The following ADAMTS3 variants were observed in gnomAD, a reference collection of about 807,000 sequenced individuals.
ADAMTS3 encodes the protein ADAM metallopeptidase with thrombospondin type 1 motif 3.
A neutral mutation model predicts 129.0 loss-of-function variants in ADAMTS3; 73 were observed. The observed-to-expected ratio is 0.57, with a 90% confidence interval of 0.47 to 0.69. ADAMTS3 has a LOEUF of 0.69. Ranked by LOEUF, ADAMTS3 falls within the 30% of genes least tolerant of loss-of-function variation. The pLI is 0.00. For synonymous variants in ADAMTS3, 477 were observed against 510.8 expected (o/e 0.93, Z 0.89); for missense variants, 1,457 against 1,514.5 (o/e 0.96, Z 0.63).
intron 3 of ADAMTS3, among the ~76,000 whole-genome samples, chr4:72,427,479 G>A (rs1386049963): frequency 2.6e-5 from 4 of 152,020 alleles, no homozygotes; most frequent in Admixed American, 2.6e-4. Context: ...TCTGTTCCAT[G>A]CAAAATGACA....
intron 4 of ADAMTS3, among the ~76,000 whole-genome samples, chr4:72,399,414 T>C (rs80276187): frequency 0.035 from 5,258 of 152,116 alleles, 306 homozygotes; most frequent in African/African-American, 0.12. Flanking sequence ...GCCTGGGCAA[T>C]AGAACAACAC....
intron 5 of ADAMTS3, 69 bp downstream of exon 5, chr4:72,339,425 A>G: frequency 6.6e-7 from 1 of 1,510,260 alleles, no homozygotes; most frequent in Non-Finnish European, 9.1e-7. Context: ...ACAGATTGCC[A>G]AAGGGTACCA....
At chr4:72,399,748 C>T (rs1378088078) in intron 4 of ADAMTS3, among the ~76,000 whole-genome samples, 16 of 125,650 alleles carry the variant, frequency 1.3e-4, no homozygotes, top group African/African-American at 2.8e-4. Context: ...ACGGTGTGTA[C>T]GCATATGTGT....
At chr4:72,397,166 A>C (rs971867316) in intron 4 of ADAMTS3, among the ~76,000 whole-genome samples, 2 of 152,184 alleles carry the variant, frequency 1.3e-5, no homozygotes, top group Non-Finnish European at 2.9e-5. Flanking sequence ...AGATTTTCTA[A>C]AATACATATT....
chr4:72,474,470 CAG>C (rs1164385520), intron 3 of ADAMTS3, among the ~76,000 whole-genome samples: 2 of 151,922 alleles, frequency 1.3e-5, no homozygotes, highest in African/African-American at 4.8e-5. Flanking sequence ...AGAAAAGAAT[CAG>C]TAAACTGGAA....
intron 3 of ADAMTS3, among the ~76,000 whole-genome samples, chr4:72,458,826 C>A (rs781758009): frequency 4.0e-5 from 6 of 151,402 alleles, no homozygotes; most frequent in Non-Finnish European, 7.4e-5. Context: ...AGTGCCACAC[C>A]ATTTTCAGTA....
At chr4:72,568,223 C>T (rs1002449608) in intron 1 of ADAMTS3, among the ~76,000 whole-genome samples, 1 of 152,136 alleles carries the variant, frequency 6.6e-6, no homozygotes, top group African/African-American at 2.4e-5. Flanking sequence ...CTGAAACCCC[C>T]GCCTCCGGCT....
chr4:72,319,635 G>A (rs1719499313), intron 8 of ADAMTS3, among the ~76,000 whole-genome samples, 160 bp from the exon 9 acceptor site: 1 of 152,186 alleles, frequency 6.6e-6, no homozygotes, highest in Admixed American at 6.5e-5. Context: ...TGACAGAAAT[G>A]CCTTTCTTAT....
intron 3 of ADAMTS3, among the ~76,000 whole-genome samples, chr4:72,495,294 T>C (rs1018420542): frequency 1.3e-5 from 2 of 152,028 alleles, no homozygotes; most frequent in Non-Finnish European, 2.9e-5. Flanking sequence ...TATAGAGTCA[T>C]TGTAGGGAAC....
At chr4:72,484,921 A>G (rs2110009555) in intron 3 of ADAMTS3, among the ~76,000 whole-genome samples, 1 of 152,274 alleles carries the variant, frequency 6.6e-6, no homozygotes, top group South Asian at 2.1e-4. Flanking sequence ...TGTTTTTCCT[A>G]TTTCCCACAT....
intron 3 of ADAMTS3, among the ~76,000 whole-genome samples, chr4:72,463,698 C>A (rs1277634639): frequency 4.3e-4 from 53 of 123,312 alleles, no homozygotes; most frequent in African/African-American, 1.3e-3. Context: ...CTAAAACAGG[C>A]AAAAAAAAAA....
At position 72,292,672 on chromosome 4, in the gene ADAMTS3, C is replaced by T. The variant is rs149255677; in HGVS notation, c.2724-1610G>A. Among the ~76,000 whole-genome samples the T allele has an allele frequency of 3.3e-5, 5 of 152,326 alleles. No individual in the cohort carries two copies. The East Asian group carries it at 9.7e-4, about 29-fold the overall frequency. ...AAAGGGTGGTCACCATTGACTCCAT[C>T]TGGTTATGCAAGCTGTCTGTATGTA... is the stretch of plus-strand genomic sequence containing the variant. On this transcript the variant is annotated intron_variant, in intron 19 of 21. Coordinates refer to ENST00000286657, the MANE Select transcript of ADAMTS3 (RefSeq NM_014243.3).
chr4:72,484,854 T>A lies in ADAMTS3; in HGVS notation c.504+63624A>T, dbSNP rs576266494. Among the ~76,000 whole-genome samples, 3 of 152,288 alleles carry A rather than the reference T, an allele frequency of 2.0e-5. No individual in the cohort carries two copies. In the East Asian group the frequency reaches 5.8e-4, roughly 29 times the overall value. ...ACTCTTGGGAATAGATTTTTTAAAGTATAAGACCCCCAAAATGCCAGAGTA... is the reference window on the plus strand; with the variant it reads ...ACTCTTGGGAATAGATTTTTTAAAGAATAAGACCCCCAAAATGCCAGAGTA... On this transcript the variant is annotated intron_variant, in intron 3 of 21. Coordinates refer to ENST00000286657, the MANE Select transcript of ADAMTS3 (RefSeq NM_014243.3).
At chr4:72,555,885 C>T (rs1721751306) in intron 2 of ADAMTS3, among the ~76,000 whole-genome samples, 1 of 151,538 alleles carries the variant, frequency 6.6e-6, no homozygotes, top group Admixed American at 6.6e-5. Context: ...TCTCCTGCTG[C>T]CACATGAAGA....
chr4:72,286,060 GAAC>G (rs1273352370), intron 21 of ADAMTS3, among the ~76,000 whole-genome samples: 3 of 152,160 alleles, frequency 2.0e-5, no homozygotes, highest in Non-Finnish European at 2.9e-5. Context: ...TAGAACAACA[GAAC>G]AACTAAAAGG....
chr4:72,460,997 A>T (rs1718753898), intron 3 of ADAMTS3, among the ~76,000 whole-genome samples: 1 of 151,656 alleles, frequency 6.6e-6, no homozygotes, highest in South Asian at 2.1e-4. Context: ...GTAAAGGTTA[A>T]ATACATTTGG....
chr4:72,382,220 C>G (rs1721311155), intron 4 of ADAMTS3, among the ~76,000 whole-genome samples: 1 of 150,180 alleles, frequency 6.7e-6, no homozygotes, highest in South Asian at 2.1e-4. Context: ...ATGATAAAAT[C>G]AAGATGTTGA....
intron 4 of ADAMTS3, among the ~76,000 whole-genome samples, chr4:72,341,637 A>ATT (rs1403853092): frequency 6.6e-6 from 1 of 152,196 alleles, no homozygotes; most frequent in Non-Finnish European, 1.5e-5. Context: ...CAATGGAAAT[A>ATT]TACCAGCAAT....
chr4:72,377,599 C>T (rs531134616), intron 4 of ADAMTS3, among the ~76,000 whole-genome samples: 21 of 152,260 alleles, frequency 1.4e-4, no homozygotes, highest in South Asian at 2.1e-4. Flanking sequence ...TCCAAAGCTG[C>T]GTAAACTTTC....
Sources: gnomAD v4.1 joint callset for allele counts (sites outside exome capture counted in the v4.1 genomes callset) on GRCh38, gnomAD v4.1.1 for gene constraint, MANE v1.5 for transcripts, NCBI Gene and HGNC (gene_info 2026-07-23, HGNC 2026-07-21) for gene names.